PRSS38: variants seen among roughly 807,000 people sequenced by gnomAD.
PRSS38 encodes the protein marapsin 2.
In PRSS38, 22 loss-of-function variants were observed where a neutral mutation model predicts 26.8. That is an observed-to-expected ratio of 0.82 (90% CI 0.59 to 1.17). The LOEUF (loss-of-function observed/expected upper bound fraction) is 1.17. Among genes scored for constraint, PRSS38 ranks in the 50% most tolerant of loss-of-function variants. PRSS38 has a pLI of 0.00. For synonymous variants in PRSS38, 175 were observed against 172.1 expected, an observed-to-expected ratio of 1.02 and a Z score of -0.13; for missense variants, 427 against 422.7, an observed-to-expected ratio of 1.01 and a Z score of -0.09.
At chr1:227,829,874 G>T (rs1287298883) in intron 3 of PRSS38, among the ~76,000 whole-genome samples, 2 of 152,056 alleles carry the variant, frequency 1.3e-5, no homozygotes, top group Non-Finnish European at 2.9e-5. Flanking sequence ...TCCTTGCCTT[G>T]TTCTTCATCT....
chr1:227,830,946 A>G (rs1177335397), intron 3 of PRSS38, among the ~76,000 whole-genome samples: 2 of 152,080 alleles, frequency 1.3e-5, no homozygotes, highest in African/African-American at 4.8e-5. Context: ...GGTCATTATA[A>G]CTAAAGGTTT....
chr1:227,818,441 G>A (rs1269716873), intron 3 of PRSS38, among the ~76,000 whole-genome samples: 1 of 152,150 alleles, frequency 6.6e-6, no homozygotes, highest in Non-Finnish European at 1.5e-5. Context: ...CACTTTGGGA[G>A]GCTGAGGTGG....
chr1:227,846,312 CA>C (rs1180342815), exon 5 of PRSS38: 346 of 1,406,892 alleles, frequency 2.5e-4, no homozygotes, highest in Non-Finnish European at 3.2e-4. Flanking sequence ...CTGAAGCAGA[CA>C]AGGGCCACCT....
chr1:227,819,416 C>A (rs1572080388), intron 3 of PRSS38, among the ~76,000 whole-genome samples: 2 of 152,232 alleles, frequency 1.3e-5, no homozygotes, highest in South Asian at 2.1e-4. Flanking sequence ...TGAATTCTTA[C>A]ATATTTGTTA....
chr1:227,842,904 T>G (rs1665359999), intron 3 of PRSS38, among the ~76,000 whole-genome samples: 1 of 152,168 alleles, frequency 6.6e-6, no homozygotes, highest in Non-Finnish European at 1.5e-5. Context: ...CCATGCATCT[T>G]TGACAGACAA....
At chr1:227,820,037 T>C (rs1029185240) in intron 3 of PRSS38, among the ~76,000 whole-genome samples, 1 of 131,036 alleles carries the variant, frequency 7.6e-6, no homozygotes. Context: ...TGCAGTGAGC[T>C]GAGATCACGC....
At chr1:227,818,257 G>C (rs1664951205) in intron 3 of PRSS38, among the ~76,000 whole-genome samples, 1 of 152,136 alleles carries the variant, frequency 6.6e-6, no homozygotes, top group South Asian at 2.1e-4. Context: ...GATTAAGAAA[G>C]TTACCTTTTA....
intron 3 of PRSS38, among the ~76,000 whole-genome samples, chr1:227,832,036 C>A (rs1490700992): frequency 6.6e-6 from 1 of 152,164 alleles, no homozygotes; most frequent in Non-Finnish European, 1.5e-5. Context: ...ATTATCTTAT[C>A]ATTTAATCAA....
chr1:227,842,581 T>C (rs1304122534), intron 3 of PRSS38, among the ~76,000 whole-genome samples: 1 of 151,728 alleles, frequency 6.6e-6, no homozygotes, highest in African/African-American at 2.4e-5. Context: ...CTGAGGGAAC[T>C]TCTTTTTTTT....
At chr1:227,833,081 CTT>C (rs1665179850) in intron 3 of PRSS38, among the ~76,000 whole-genome samples, 1 of 152,136 alleles carries the variant, frequency 6.6e-6, no homozygotes, top group African/African-American at 2.4e-5. Context: ...GATTGGGAGA[CTT>C]AATATTGTTA....
intron 3 of PRSS38, among the ~76,000 whole-genome samples, chr1:227,835,748 G>C (rs1250947944): frequency 1.3e-5 from 2 of 152,188 alleles, no homozygotes; most frequent in African/African-American, 2.4e-5. Context: ...GAAATATCTG[G>C]AACAGGCAAA....
chr1:227,822,340 C>T (rs1033430980), intron 3 of PRSS38, among the ~76,000 whole-genome samples: 18 of 151,898 alleles, frequency 1.2e-4, no homozygotes, highest in Non-Finnish European at 2.1e-4. Context: ...CAGTTTCTAT[C>T]CACTTATTTT....
At chr1:227,829,937 G>T (rs916348973) in intron 3 of PRSS38, among the ~76,000 whole-genome samples, 3 of 152,118 alleles carry the variant, frequency 2.0e-5, no homozygotes, top group African/African-American at 4.8e-5. Flanking sequence ...GAGCTGTGGG[G>T]TTTTTTTGTA....
intron 3 of PRSS38, among the ~76,000 whole-genome samples, chr1:227,840,006 C>G (rs1460089171): frequency 6.6e-6 from 1 of 152,148 alleles, no homozygotes; most frequent in Non-Finnish European, 1.5e-5. Flanking sequence ...TTTAATTTTC[C>G]AACCCAGAAA....
At chr1:227,846,188 G>T in exon 5 of PRSS38, 1 of 1,611,258 alleles carries the variant, frequency 6.2e-7, no homozygotes. Flanking sequence ...GGCCATGCTG[G>T]CTGGCTGGTC....
Position 227,845,944 on chromosome 1 carries a change from T to C in PRSS38, c.727-10T>C. On this transcript the variant is annotated splice_polypyrimidine_tract_variant and intron_variant, in intron 4 of 4. Transcript: ENST00000366757. ...TCCCAGTTCACAAAAAACTCCCTCTTCCTTTCTAGGGCGACTCCGGGGGCC... is the reference window on the plus strand; with the variant it reads ...TCCCAGTTCACAAAAAACTCCCTCTCCCTTTCTAGGGCGACTCCGGGGGCC... 6.2e-7 allele frequency: 1 copy of C among 1,613,588 alleles called. No individual in the cohort carries two copies. Among genetic ancestry groups the C allele is most frequent in the South Asian group, 1.1e-5 (1 of 91,060 alleles).
intron 3 of PRSS38, among the ~76,000 whole-genome samples, chr1:227,832,860 A>AC: frequency 6.6e-6 from 1 of 152,174 alleles, no homozygotes; most frequent in Non-Finnish European, 1.5e-5. Context: ...CAACACACAC[A>AC]AAAAAAGTTG....
Position 227,817,497 on chromosome 1 carries a change from G to A in PRSS38, c.583+17G>A. On this transcript the variant is annotated intron_variant, in intron 3 of 4. Transcript: ENST00000366757. ...CAAAACAAGGTAGGAATACAGTGCA[G>A]GGCTTTGTGGGCAGGATGAAGGCTT... 6.2e-7 allele frequency: 1 copy of A among 1,609,908 alleles called. No homozygotes were observed. Among genetic ancestry groups the A allele is most frequent in the African/African-American group, 1.3e-5 (1 of 75,002 alleles).
intron 3 of PRSS38, among the ~76,000 whole-genome samples, chr1:227,829,564 A>G (rs1572085271): frequency 6.6e-6 from 1 of 152,296 alleles, no homozygotes; most frequent in South Asian, 2.1e-4. Context: ...TATGTTTACT[A>G]TATACAGTAT....
Sources: allele counts gnomAD v4.1 joint callset (sites outside exome capture counted in the v4.1 genomes callset), GRCh38; gene constraint gnomAD v4.1.1; transcripts MANE v1.5; gene names NCBI Gene and HGNC (gene_info 2026-07-23, HGNC 2026-07-21).